Variants in RPS6KC1 observed in about 807,000 individuals in gnomAD.
The protein encoded by RPS6KC1 is ribosomal protein S6 kinase C1, also known as inactive ribosomal protein S6 kinase delta-1.
In RPS6KC1, 54 loss-of-function variants were observed where a neutral mutation model predicts 103.8. The ratio of observed to expected loss-of-function variants is 0.52; its 90% CI spans 0.42 to 0.65. The LOEUF is 0.65. Among genes scored for constraint, RPS6KC1 ranks in the 30% least tolerant of loss-of-function variants. The pLI is 0.00. For synonymous variants in RPS6KC1, 439 were observed against 438.7 expected (o/e 1.00, Z -0.01); for missense variants, 1,151 against 1,253.8 (o/e 0.92, Z 1.24).
chr1:213,536,969 G>C, the RPS6KC1 span, among the ~76,000 whole-genome samples: 1 of 152,132 alleles, frequency 6.6e-6, no homozygotes, highest in African/African-American at 2.4e-5. Flanking sequence ...TGATATCTGC[G>C]TTCCTACAAT....
the RPS6KC1 span, among the ~76,000 whole-genome samples, chr1:213,657,768 A>G: frequency 1.3e-5 from 2 of 152,234 alleles, no homozygotes; most frequent in African/African-American, 2.4e-5. Context: ...TGCTCTTACA[A>G]CACTAGAGTC....
intron 4 of RPS6KC1, among the ~76,000 whole-genome samples, chr1:213,110,959 T>C (rs1367478428): frequency 6.6e-6 from 1 of 151,892 alleles, no homozygotes; most frequent in African/African-American, 2.4e-5. Flanking sequence ...TTTTTTTTTT[T>C]CTGTGCTTCA....
At chr1:213,729,772 AT>A in the RPS6KC1 span, among the ~76,000 whole-genome samples, 19 of 147,552 alleles carry the variant, frequency 1.3e-4, no homozygotes, top group Admixed American at 2.7e-4. Flanking sequence ...ATGAATTGTT[AT>A]TTTTTTTTTA....
the RPS6KC1 span, among the ~76,000 whole-genome samples, chr1:213,760,923 A>G: frequency 6.3e-5 from 9 of 142,702 alleles, no homozygotes; most frequent in African/African-American, 1.8e-4. Context: ...AATGATGATC[A>G]TCGCATTTGG....
At chr1:213,268,107 G>T (rs1236059465) in intron 14 of RPS6KC1, among the ~76,000 whole-genome samples, 1 of 151,490 alleles carries the variant, frequency 6.6e-6, no homozygotes, top group Non-Finnish European at 1.5e-5. Flanking sequence ...ATACAAAGAG[G>T]TCTACACTGC....
intron 3 of RPS6KC1, among the ~76,000 whole-genome samples, chr1:213,082,892 G>A (rs1393142211): frequency 6.6e-6 from 1 of 152,178 alleles, no homozygotes; most frequent in Admixed American, 6.5e-5. Flanking sequence ...GAAAGATTCA[G>A]TCAGACCAAA....
At chr1:213,397,149 G>A in the RPS6KC1 span, among the ~76,000 whole-genome samples, 5 of 152,194 alleles carry the variant, frequency 3.3e-5, 1 homozygote, top group Middle Eastern at 3.4e-3. Flanking sequence ...GGTACAGCAG[G>A]TTCCCCCGTC....
the RPS6KC1 span, among the ~76,000 whole-genome samples, chr1:213,716,389 T>C: frequency 6.6e-6 from 1 of 152,184 alleles, no homozygotes; most frequent in African/African-American, 2.4e-5. Context: ...ACATTCAGTC[T>C]CCTGGAAACT....
At chr1:213,404,687 A>T in the RPS6KC1 span, among the ~76,000 whole-genome samples, 1 of 152,190 alleles carries the variant, frequency 6.6e-6, no homozygotes, top group Admixed American at 6.5e-5. Context: ...ATCAGTGAGG[A>T]CTGGGATTAT....
the RPS6KC1 span, among the ~76,000 whole-genome samples, chr1:213,328,703 G>A: frequency 6.6e-6 from 1 of 151,478 alleles, no homozygotes; most frequent in African/African-American, 2.4e-5. Context: ...AGACAGTGGG[G>A]GTTAGATGGG....
chr1:213,316,917 G>A, the RPS6KC1 span, among the ~76,000 whole-genome samples: 1 of 152,300 alleles, frequency 6.6e-6, no homozygotes, highest in African/African-American at 2.4e-5. Flanking sequence ...CAGAAAGCCA[G>A]CATGGCTGGG....
At chr1:213,243,643 C>T (rs2094403398) in intron 12 of RPS6KC1, among the ~76,000 whole-genome samples, 1 of 152,178 alleles carries the variant, frequency 6.6e-6, no homozygotes, top group African/African-American at 2.4e-5. Flanking sequence ...GTCATCAGTG[C>T]AGATGGGGCT....
At chr1:213,330,819 G>C in the RPS6KC1 span, among the ~76,000 whole-genome samples, 1 of 152,164 alleles carries the variant, frequency 6.6e-6, no homozygotes, top group African/African-American at 2.4e-5. Flanking sequence ...TAAGTGACTG[G>C]CTCTTGGATT....
the RPS6KC1 span, among the ~76,000 whole-genome samples, chr1:213,727,676 G>T: frequency 6.6e-6 from 1 of 152,122 alleles, no homozygotes; most frequent in South Asian, 2.1e-4. Context: ...AGGGGACCAG[G>T]CCAGAAATAC....
chr1:213,606,022 G>A, the RPS6KC1 span, among the ~76,000 whole-genome samples: 3 of 152,220 alleles, frequency 2.0e-5, no homozygotes, highest in African/African-American at 4.8e-5. Context: ...CTGTACATAA[G>A]GAATGTCTGC....
At chr1:213,509,330 A>G in the RPS6KC1 span, among the ~76,000 whole-genome samples, 572 of 151,570 alleles carry the variant, frequency 3.8e-3, 8 homozygotes, top group Admixed American at 0.011. Context: ...TTAAAGAAAG[A>G]GAGTTGATCC....
At chr1:213,114,246 C>T (rs373805535) in intron 4 of RPS6KC1, among the ~76,000 whole-genome samples, 22 of 150,940 alleles carry the variant, frequency 1.5e-4, no homozygotes, top group Admixed American at 2.6e-4. Context: ...TGAGCAGTGG[C>T]TTGTAGTTCT....
At chr1:213,735,667 G>A in the RPS6KC1 span, among the ~76,000 whole-genome samples, 2 of 152,108 alleles carry the variant, frequency 1.3e-5, no homozygotes, top group East Asian at 3.8e-4. Context: ...AGAGAAATGA[G>A]TACAAATGAA....
At chr1:213,176,834 T>C (rs1314310071) in intron 8 of RPS6KC1, 1 of 161,350 alleles carries the variant, frequency 6.2e-6, no homozygotes, top group Admixed American at 6.2e-5. Context: ...AATACGGTCA[T>C]TGTAATGGTC....
Sources: gnomAD v4.1 joint callset for allele counts (sites outside exome capture counted in the v4.1 genomes callset) on GRCh38, gnomAD v4.1.1 for gene constraint, MANE v1.5 for transcripts, NCBI Gene and HGNC (gene_info 2026-07-23, HGNC 2026-07-21) for gene names.